Variants in SLC10A1 observed in about 807,000 individuals in gnomAD.
SLC10A1 encodes solute carrier family 10 member 1.
Under a neutral mutation model 20.5 loss-of-function variants are expected in SLC10A1, and 36 were observed. The observed-to-expected ratio is 1.75, with a 90% CI of 1.34 to 2.32. The LOEUF (loss-of-function observed/expected upper bound fraction) is 2.32. Among genes scored for constraint, SLC10A1 ranks in the 30% most tolerant of loss-of-function variants. The pLI, the probability that SLC10A1 is intolerant of heterozygous loss-of-function variation, is 0.00. For missense variants in SLC10A1, 545 were observed against 439.1 expected, an observed-to-expected ratio of 1.24 and a Z score of -2.16; for synonymous variants, 188 against 163.6, an observed-to-expected ratio of 1.15 and a Z score of -1.14.
chr14:69,777,557 T>G (rs1026335370), intron 4 of SLC10A1, among the ~76,000 whole-genome samples: 8 of 148,324 alleles, frequency 5.4e-5, no homozygotes, highest in African/African-American at 2.0e-4. Context: ...AAATGTGTTA[T>G]AAAGTGGGTT....
rs1018643840 is a variant in SLC10A1, at chr14:69,776,544, T to C, written c.944-156A>G. ...TGTCGTCTCTCCCATGGTTTACTCT[T>C]TAAACTCACTTTCCCCTCAGTCTCC... is the stretch of plus-strand genomic sequence containing the variant. On this transcript the variant is annotated intron_variant, in intron 4 of 4. Coordinates refer to ENST00000216540, the MANE Select transcript of SLC10A1 (RefSeq NM_003049.4). Among the ~76,000 whole-genome samples, 10 of 152,362 alleles carry C rather than the reference T, an allele frequency of 6.6e-5. No individual in the cohort carries two copies. In the East Asian group the frequency reaches 1.7e-3, roughly 26 times the overall value.
At chr14:69,789,480 A>G (rs1489629957) in intron 1 of SLC10A1, among the ~76,000 whole-genome samples, 1 of 152,232 alleles carries the variant, frequency 6.6e-6, no homozygotes, top group African/African-American at 2.4e-5. Context: ...GAATGCTTCC[A>G]TTTATGTGAA....
chr14:69,780,259 G>A (rs1020646375), intron 2 of SLC10A1, among the ~76,000 whole-genome samples: 1 of 152,206 alleles, frequency 6.6e-6, no homozygotes, highest in Non-Finnish European at 1.5e-5. Context: ...ACCTTTCAAA[G>A]TGCATGTGCA....
At chr14:69,792,648 C>T (rs1358811576) in intron 1 of SLC10A1, among the ~76,000 whole-genome samples, 5 of 152,186 alleles carry the variant, frequency 3.3e-5, no homozygotes, top group Non-Finnish European at 5.9e-5. Flanking sequence ...GTGACTCCCA[C>T]GACCCAGCAG....
intron 1 of SLC10A1, among the ~76,000 whole-genome samples, chr14:69,795,368 C>T (rs1882368268): frequency 6.6e-6 from 1 of 151,802 alleles, no homozygotes; most frequent in African/African-American, 2.4e-5. Flanking sequence ...CTGTTAAACC[C>T]CAACTCTCAT....
chr14:69,787,252 A>G (rs868237524), intron 1 of SLC10A1, among the ~76,000 whole-genome samples: 1 of 152,204 alleles, frequency 6.6e-6, no homozygotes, highest in African/African-American at 2.4e-5. Flanking sequence ...CTACTTGTCC[A>G]ATTTCCTTTT....
In SLC10A1 at chr14:69,791,120, TAAAAG is replaced by T. The variant is rs368832513; in HGVS notation, c.357-4818_357-4814del. ...AGAAAGGTATTAAAAAAGGCCTAAG[TAAAAG>T]AAAAGCTATATCATATTTATAGATG... On this transcript the variant is annotated intron_variant, in intron 1 of 4. Transcript: ENST00000216540. Among the ~76,000 whole-genome samples, 139 of 152,238 alleles carry T rather than the reference TAAAAG, an allele frequency of 9.1e-4. 1 individual carries two copies. The South Asian group carries it at 0.017, about 19-fold the overall frequency.
Position 69,786,272 on chromosome 14 carries a change from A to G in SLC10A1, c.392T>C (p.Leu131Pro), listed in dbSNP as rs1883711146. 8 of 1,614,012 alleles carry G rather than the reference A, an allele frequency of 5.0e-6. No homozygotes were observed. Among genetic ancestry groups the G allele is most frequent in the South Asian group, 4.4e-5 (4 of 91,084 alleles). ...GTACAGGAGGAGAGGCATCATGCCA[A>G]GGGCACAGAAGGTGGAGCAGGTGGT... is the stretch of plus-strand genomic sequence containing the variant. ...VMTTCSTFCA[L>P]GMMPLLLYIY... The change falls in exon 2 of 5, where the codon CTT becomes CCT. Residue 131 changes from leucine to proline, a missense_variant. By Grantham distance (98) the Leu-to-Pro change is moderately conservative. Coordinates refer to ENST00000216540, the MANE Select transcript of SLC10A1 (RefSeq NM_003049.4).
chr14:69,788,748 G>A (rs540232684), intron 1 of SLC10A1, among the ~76,000 whole-genome samples: 18 of 151,762 alleles, frequency 1.2e-4, no homozygotes, highest in African/African-American at 4.3e-4. Flanking sequence ...GGGTTTCACC[G>A]TGTTAGCCAG....
chr14:69,777,928 T>C (rs1883487961), intron 4 of SLC10A1, among the ~76,000 whole-genome samples: 1 of 152,074 alleles, frequency 6.6e-6, no homozygotes, highest in African/African-American at 2.4e-5. Context: ...GCTGTGGCTC[T>C]GATCTGGTTC....
chr14:69,796,193 C>A (rs4646286), intron 1 of SLC10A1, among the ~76,000 whole-genome samples: 1 of 152,000 alleles, frequency 6.6e-6, no homozygotes, highest in African/African-American at 2.4e-5. Flanking sequence ...TGGGGCTGGC[C>A]TATCTGGAGT....
At chr14:69,788,886 G>A (rs1453729458) in intron 1 of SLC10A1, among the ~76,000 whole-genome samples, 1 of 152,178 alleles carries the variant, frequency 6.6e-6, no homozygotes, top group Admixed American at 6.5e-5. Flanking sequence ...TAAAAAACAA[G>A]TAAAAAATGG....
rs530621426 is a variant in SLC10A1, at chr14:69,796,732, C to T, written c.356+68G>A. ...TTTTCCTGGCTTTAGCCCAGCTCTT[C>T]CCCTCAATTGTGACATATCTAATGT... On this transcript the variant is annotated intron_variant, in intron 1 of 4. Coordinates refer to ENST00000216540, the MANE Select transcript of SLC10A1 (RefSeq NM_003049.4). 236 of 1,307,578 alleles carry T rather than the reference C, an allele frequency of 1.8e-4. 3 individuals carry two copies. In the South Asian group the frequency reaches 3.2e-3, roughly 18 times the overall value. The allele number at this position is 1,307,578 out of a possible 1,614,324, so 81.0% of individuals were successfully genotyped here.
intron 2 of SLC10A1, among the ~76,000 whole-genome samples, chr14:69,781,675 AAG>A (rs1883595417): frequency 6.6e-6 from 1 of 152,310 alleles, no homozygotes; most frequent in African/African-American, 2.4e-5. Context: ...ATCCTTATTA[AAG>A]AGTGGTGGAT....
intron 1 of SLC10A1, among the ~76,000 whole-genome samples, chr14:69,791,445 C>T (rs995284099): frequency 1.4e-4 from 21 of 151,962 alleles, no homozygotes; most frequent in African/African-American, 4.4e-4. Flanking sequence ...GGACTACAGG[C>T]GCCCGCCACC....
chr14:69,779,069 G>A (rs1306621353), intron 3 of SLC10A1, 113 bp downstream of exon 3: 1 of 741,374 alleles, frequency 1.3e-6, no homozygotes, highest in Non-Finnish European at 2.1e-6. Context: ...GCTGAGGCAG[G>A]AGGATCAGTT....
chr14:69,790,556 T>G (rs768201474), intron 1 of SLC10A1, among the ~76,000 whole-genome samples: 4 of 152,092 alleles, frequency 2.6e-5, no homozygotes, highest in African/African-American at 4.8e-5. Flanking sequence ...TGGTACAATT[T>G]TGTAGCTATA....
At chr14:69,780,580 A>G (rs1008420113) in intron 2 of SLC10A1, among the ~76,000 whole-genome samples, 4 of 152,224 alleles carry the variant, frequency 2.6e-5, no homozygotes, top group Admixed American at 6.5e-5. Context: ...ATAATGTCCT[A>G]ACGACATTTT....
intron 1 of SLC10A1, among the ~76,000 whole-genome samples, chr14:69,787,441 C>A (rs1348340147): frequency 3.3e-5 from 5 of 152,108 alleles, no homozygotes; most frequent in Admixed American, 6.5e-5. Flanking sequence ...GAGGGCTTGG[C>A]AAGATCTTAG....
Sources: gnomAD v4.1 joint callset for allele counts (sites outside exome capture counted in the v4.1 genomes callset) on GRCh38, gnomAD v4.1.1 for gene constraint, MANE v1.5 for transcripts, NCBI Gene and HGNC (gene_info 2026-07-23, HGNC 2026-07-21) for gene names.